Variants in NTAQ1 observed in about 807,000 individuals in gnomAD.
The protein encoded by NTAQ1 is protein N-terminal glutamine amidohydrolase.
A neutral mutation model predicts 28.2 loss-of-function variants in NTAQ1; 21 were observed. The observed-to-expected ratio is 0.74, with a 90% confidence interval of 0.53 to 1.07. NTAQ1 has a LOEUF of 1.07. Among genes scored for constraint, NTAQ1 ranks in the 50% least tolerant of loss-of-function variants. The pLI is 0.00. For missense variants in NTAQ1, 264 were observed against 256.6 expected (o/e 1.03, Z -0.20); for synonymous variants, 105 against 90.0 (o/e 1.17, Z -0.94).
At chr8:123,433,795 A>G (rs908353492) in intron 3 of NTAQ1, among the ~76,000 whole-genome samples, 21 of 152,198 alleles carry the variant, frequency 1.4e-4, no homozygotes, top group African/African-American at 4.6e-4. Context: ...TAATGCTTCT[A>G]GCAGCACTAT....
At chr8:123,423,421 T>TTTCCCTC (rs1813849815) in intron 1 of NTAQ1, among the ~76,000 whole-genome samples, 2 of 109,816 alleles carry the variant, frequency 1.8e-5, no homozygotes, top group Non-Finnish European at 4.5e-5. Flanking sequence ...CTTTTCCTTC[T>TTTCCCTC]CTTCTGTTTC....
chr8:123,460,941 A>G (rs1208873286), intron 6 of NTAQ1, among the ~76,000 whole-genome samples: 2 of 152,210 alleles, frequency 1.3e-5, no homozygotes, highest in Non-Finnish European at 2.9e-5. Flanking sequence ...CACATTTCAC[A>G]CTTCTGTCAG....
At chr8:123,439,909 G>C (rs972440536) in intron 5 of NTAQ1, among the ~76,000 whole-genome samples, 1 of 151,772 alleles carries the variant, frequency 6.6e-6, no homozygotes, top group African/African-American at 2.4e-5. Flanking sequence ...AGCCAAAATT[G>C]CACCACTGCA....
intron 3 of NTAQ1, among the ~76,000 whole-genome samples, chr8:123,434,016 A>G (rs1024630838): frequency 6.6e-6 from 1 of 151,856 alleles, no homozygotes; most frequent in Non-Finnish European, 1.5e-5. Context: ...TGGCCCAGGG[A>G]AGCCAAAAGA....
intron 6 of NTAQ1, among the ~76,000 whole-genome samples, chr8:123,453,310 CCT>C (rs1815557293): frequency 6.6e-6 from 1 of 152,198 alleles, no homozygotes; most frequent in African/African-American, 2.4e-5. Flanking sequence ...AGTCACTTAA[CCT>C]CTCTGGGCCT....
chr8:123,444,726 G>T (rs1815205350), downstream of NTAQ1, among the ~76,000 whole-genome samples: 1 of 152,046 alleles, frequency 6.6e-6, no homozygotes, highest in African/African-American at 2.4e-5. Context: ...AGCCAGGATG[G>T]TCTCTATCTT....
At chr8:123,467,737 G>C (rs1468939458) in exon 7 of NTAQ1, among the ~76,000 whole-genome samples, 1 of 152,082 alleles carries the variant, frequency 6.6e-6, no homozygotes, top group Non-Finnish European at 1.5e-5. Context: ...CAGGTTCAAG[G>C]TATCTATTTT....
downstream of NTAQ1, among the ~76,000 whole-genome samples, chr8:123,472,401 ATT>A (rs1259078377): frequency 6.6e-6 from 1 of 152,116 alleles, no homozygotes; most frequent in Non-Finnish European, 1.5e-5. Flanking sequence ...ACAGTAATAT[ATT>A]GTCTCATAGT....
downstream of NTAQ1, among the ~76,000 whole-genome samples, chr8:123,446,034 C>T (rs1395238984): frequency 2.0e-5 from 3 of 151,932 alleles, no homozygotes; most frequent in African/African-American, 7.3e-5. Context: ...CACTCTGTCA[C>T]CCAGACTGGA....
chr8:123,436,997 A>AT (rs1814756699), intron 4 of NTAQ1, among the ~76,000 whole-genome samples: 1 of 152,058 alleles, frequency 6.6e-6, no homozygotes. Flanking sequence ...AGGCAACCAG[A>AT]TATATTTTTG....
chr8:123,449,640 T>G (rs1815411549), downstream of NTAQ1, among the ~76,000 whole-genome samples: 1 of 151,854 alleles, frequency 6.6e-6, no homozygotes, highest in Non-Finnish European at 1.5e-5. Flanking sequence ...TTGGTTGCTA[T>G]TTACTGAGTT....
At chr8:123,429,662 C>T (rs540571152) in intron 2 of NTAQ1, among the ~76,000 whole-genome samples, 11 of 152,162 alleles carry the variant, frequency 7.2e-5, no homozygotes, top group Admixed American at 3.3e-4. Flanking sequence ...ATCAGGAGTT[C>T]GAGACCAGCC....
At chr8:123,446,615 T>C (rs1417043037), downstream of NTAQ1, among the ~76,000 whole-genome samples, 1 of 152,174 alleles carries the variant, frequency 6.6e-6, no homozygotes, top group African/African-American at 2.4e-5. Flanking sequence ...TCCAACTGTG[T>C]CTGTGTTGTT....
chr8:123,425,374 A>G (rs573917327), intron 1 of NTAQ1, among the ~76,000 whole-genome samples: 9 of 152,114 alleles, frequency 5.9e-5, no homozygotes, highest in Admixed American at 2.0e-4. Flanking sequence ...TTACAGACGT[A>G]AGCCACCATG....
chr8:123,421,652 G>A (rs1813698800), intron 1 of NTAQ1, among the ~76,000 whole-genome samples: 2 of 150,504 alleles, frequency 1.3e-5, no homozygotes, highest in Non-Finnish European at 3.0e-5. Context: ...GGGATTACAG[G>A]TGTGCACCAC....
chr8:123,417,413 G>A (rs1813367620), intron 1 of NTAQ1, among the ~76,000 whole-genome samples: 1 of 152,144 alleles, frequency 6.6e-6, no homozygotes, highest in African/African-American at 2.4e-5. Flanking sequence ...CACAATAACC[G>A]TAAGAGGTAG....
At chr8:123,439,944 ACT>A (rs1254366555) in intron 5 of NTAQ1, among the ~76,000 whole-genome samples, 1 of 151,498 alleles carries the variant, frequency 6.6e-6, no homozygotes, top group Non-Finnish European at 1.5e-5. Flanking sequence ...ACAGAGGGAG[ACT>A]CTGTCTCAAA....
intron 1 of NTAQ1, among the ~76,000 whole-genome samples, chr8:123,424,072 G>GTTTTTT (rs35733686): frequency 2.0e-4 from 17 of 85,846 alleles, no homozygotes; most frequent in African/African-American, 5.8e-4. Context: ...ATTTTTATGC[G>GTTTTTT]TTTTTTTTTT....
intron 1 of NTAQ1, among the ~76,000 whole-genome samples, chr8:123,418,245 G>C (rs1813430977): frequency 6.6e-6 from 1 of 152,144 alleles, no homozygotes; most frequent in Non-Finnish European, 1.5e-5. Flanking sequence ...GAGGCCAGGA[G>C]TCTGAGACCA....
Sources: allele counts gnomAD v4.1 joint callset (sites outside exome capture counted in the v4.1 genomes callset), GRCh38; gene constraint gnomAD v4.1.1; transcripts MANE v1.5; gene names NCBI Gene and HGNC (gene_info 2026-07-23, HGNC 2026-07-21).